Variants in CGNL1 observed in about 807,000 individuals in gnomAD.
CGNL1 encodes the protein cingulin like 1, also known as cingulin-like protein 1.
A neutral mutation model predicts 141.2 loss-of-function variants in CGNL1; 132 were observed. The observed-to-expected ratio is 0.93, with a 90% CI of 0.81 to 1.08. The LOEUF (loss-of-function observed/expected upper bound fraction) is 1.08, where lower values mean the gene tolerates loss of function less well. Among genes scored for constraint, CGNL1 ranks in the 50% least tolerant of loss-of-function variants. The pLI is 0.00. For synonymous variants in CGNL1, 690 were observed against 622.1 expected (o/e 1.11, Z -1.63); for missense variants, 1,870 against 1,588.6 (o/e 1.18, Z -3.01).
intron 1 of CGNL1, among the ~76,000 whole-genome samples, chr15:57,410,686 G>C (rs2152269292): frequency 6.6e-6 from 1 of 152,272 alleles, no homozygotes; most frequent in Non-Finnish European, 1.5e-5. Context: ...AATATCGGAG[G>C]CTATATTATC....
At chr15:57,498,483 G>A (rs546177462) in intron 8 of CGNL1, among the ~76,000 whole-genome samples, 4 of 152,062 alleles carry the variant, frequency 2.6e-5, no homozygotes, top group Non-Finnish European at 5.9e-5. Flanking sequence ...GGGATTACAG[G>A]TATGAGCCCC....
intron 8 of CGNL1, among the ~76,000 whole-genome samples, chr15:57,479,209 A>G (rs1220228912): frequency 6.6e-6 from 1 of 152,170 alleles, no homozygotes; most frequent in Non-Finnish European, 1.5e-5. Flanking sequence ...ACATGCATGT[A>G]CTTTTGGAGA....
chr15:57,549,513 C>T lies in CGNL1; in HGVS notation c.*2023C>T, dbSNP rs1282813369. ...CAAGCCCCTTCCACATCTACAGGGT[C>T]ACTGTCATCCTCACCACAGCCAGGG... is the stretch of plus-strand genomic sequence containing the variant. On this transcript the variant is annotated 3_prime_UTR_variant, in exon 19 of 19. Transcript: ENST00000281282. The T allele has an allele frequency of 6.6e-6, 1 of 152,186 alleles. No individual in the cohort carries two copies. The highest frequency in any genetic ancestry group is 1.5e-5 in the Non-Finnish European group (1 of 68,064). 9.4% of individuals were successfully genotyped at this position (152,186 alleles called of 1,614,324 possible).
chr15:57,489,679 T>C (rs56179101), intron 8 of CGNL1, among the ~76,000 whole-genome samples: 5,369 of 152,288 alleles, frequency 0.035, 311 homozygotes, highest in African/African-American at 0.12. Context: ...TCTTGCCTCA[T>C]TGAATTGTCT....
intron 8 of CGNL1, among the ~76,000 whole-genome samples, chr15:57,508,668 A>G (rs2029935704): frequency 1.3e-5 from 2 of 152,242 alleles, no homozygotes; most frequent in Non-Finnish European, 1.5e-5. Flanking sequence ...CAAGAAGCAT[A>G]AAGGATTTGA....
At chr15:57,449,153 CT>C (rs2063291959) in intron 4 of CGNL1, among the ~76,000 whole-genome samples, 1 of 152,152 alleles carries the variant, frequency 6.6e-6, no homozygotes, top group Non-Finnish European at 1.5e-5. Context: ...CTGTTGGGTT[CT>C]TTGCCTCCTA....
intron 1 of CGNL1, among the ~76,000 whole-genome samples, chr15:57,434,497 C>A (rs553788367): frequency 6.6e-6 from 1 of 151,904 alleles, no homozygotes; most frequent in Non-Finnish European, 1.5e-5. Flanking sequence ...CATGAATTTC[C>A]AAATTGAAAG....
intron 8 of CGNL1, among the ~76,000 whole-genome samples, chr15:57,515,121 C>T (rs1182897261): frequency 2.0e-5 from 3 of 152,186 alleles, no homozygotes; most frequent in Non-Finnish European, 2.9e-5. Context: ...TTCAACCACA[C>T]TTTATTTCTC....
At chr15:57,390,520 G>C (rs2062531061) in intron 1 of CGNL1, among the ~76,000 whole-genome samples, 1 of 152,176 alleles carries the variant, frequency 6.6e-6, no homozygotes, top group African/African-American at 2.4e-5. Context: ...TGGCAAAGAA[G>C]GTAGATGTAT....
intron 1 of CGNL1, among the ~76,000 whole-genome samples, chr15:57,426,578 C>G (rs1384949059): frequency 6.6e-6 from 1 of 150,526 alleles, no homozygotes; most frequent in Non-Finnish European, 1.5e-5. Context: ...TCCTGAATAG[C>G]TGAGACTACA....
intron 8 of CGNL1, among the ~76,000 whole-genome samples, chr15:57,479,978 C>T (rs1292303615): frequency 1.3e-5 from 2 of 152,154 alleles, no homozygotes; most frequent in Non-Finnish European, 2.9e-5. Flanking sequence ...CCGTGAGCTA[C>T]ATATTATGCC....
At chr15:57,409,657 A>C (rs76318340) in intron 1 of CGNL1, among the ~76,000 whole-genome samples, 5,607 of 152,246 alleles carry the variant, frequency 0.037, 282 homozygotes, top group African/African-American at 0.12. Flanking sequence ...GGATGCTTGC[A>C]GGTCCCGAGA....
intron 8 of CGNL1, among the ~76,000 whole-genome samples, chr15:57,510,923 G>A (rs2030241838): frequency 6.6e-6 from 1 of 152,164 alleles, no homozygotes; most frequent in African/African-American, 2.4e-5. Context: ...CTCCGGCTCC[G>A]CTATCTTTCA....
Position 57,523,545 on chromosome 15 carries a change from G to C in CGNL1, c.2772G>C (p.Glu924Asp). 1.9e-6 allele frequency: 3 copies of C among 1,614,186 alleles called. No individual in the cohort carries two copies. Among genetic ancestry groups the C allele is most frequent in the Non-Finnish European group, 2.5e-6 (3 of 1,180,030 alleles). ...AGCAGTTGTCTGAGAAGCTCAAAGA[G>C]GAGAGTGAGCAGAAGGAGCAGCTAA... is the stretch of plus-strand genomic sequence containing the variant. ...EQKQLSEKLK[E>D]ESEQKEQLRR... The change falls in exon 11 of 19, where the codon GAG (glutamate) becomes GAC (aspartate). Residue 924 changes from glutamate (E) to aspartate (D), a missense_variant. Transcript: ENST00000281282.
rs368761763 is a variant in CGNL1 at position 57,380,535 on chromosome 15, G to A, written c.-16+3968G>A. On this transcript the variant is annotated intron_variant, in intron 1 of 18. Coordinates refer to ENST00000281282, the MANE Select transcript of CGNL1 (RefSeq NM_032866.5). The stretch of plus-strand genomic sequence containing the variant: ...CCTGGCTAGCCTCGCCTGGGTAGAT[G>A]CCTCCTCAATTCATTGGCACAGGAG... Among the ~76,000 whole-genome samples, 7 of 152,234 alleles carry A rather than the reference G, an allele frequency of 4.6e-5. 1 individual carries two copies. Among genetic ancestry groups the A allele is most frequent in the African/African-American group, 1.4e-4 (6 of 41,536 alleles).
At chr15:57,418,078 G>A (rs75890638) in intron 1 of CGNL1, among the ~76,000 whole-genome samples, 1,884 of 152,246 alleles carry the variant, frequency 0.012, 14 homozygotes, top group Non-Finnish European at 0.021. Flanking sequence ...CCTAAGTGGC[G>A]GGTTAAGGGG....
intron 1 of CGNL1, among the ~76,000 whole-genome samples, chr15:57,434,807 T>C (rs1381680910): frequency 2.0e-5 from 3 of 152,188 alleles, no homozygotes; most frequent in East Asian, 1.9e-4. Flanking sequence ...AAAGTAAGCA[T>C]AGAATAAAGA....
intron 10 of CGNL1, among the ~76,000 whole-genome samples, chr15:57,518,847 G>A (rs1453124606): frequency 6.6e-6 from 1 of 152,224 alleles, no homozygotes; most frequent in Non-Finnish European, 1.5e-5. Flanking sequence ...AAGGCGGAGA[G>A]CCCTCCGTTT....
chr15:57,498,921 TAC>T (rs143652210), intron 8 of CGNL1, among the ~76,000 whole-genome samples: 18,865 of 152,132 alleles, frequency 0.12, 1,474 homozygotes, highest in Admixed American at 0.2. Flanking sequence ...ACGTAGATGA[TAC>T]AGACATTGGG....
Sources: gnomAD v4.1 joint callset for allele counts (sites outside exome capture counted in the v4.1 genomes callset) on GRCh38, gnomAD v4.1.1 for gene constraint, MANE v1.5 for transcripts, NCBI Gene and HGNC (gene_info 2026-07-23, HGNC 2026-07-21) for gene names.